NTRK1: variants seen among roughly 807,000 people sequenced by gnomAD.
NTRK1 encodes the protein neurotrophic receptor tyrosine kinase 1, also known as high affinity nerve growth factor receptor.
A neutral mutation model predicts 86.8 loss-of-function variants in NTRK1; 62 were observed. The observed-to-expected ratio is 0.71, with a 90% CI of 0.58 to 0.88. The LOEUF (loss-of-function observed/expected upper bound fraction) is 0.88, where lower values mean the gene tolerates loss of function less well. NTRK1 is among the 40% of genes least tolerant of loss of function. The probability of loss-of-function intolerance (pLI) is 0.00; values close to 1 mark genes in which losing one functional copy is unlikely to be tolerated. For synonymous variants in NTRK1, 469 were observed against 456.6 expected, an observed-to-expected ratio of 1.03 and a Z score of -0.35; for missense variants, 967 against 1,078.4, an observed-to-expected ratio of 0.90 and a Z score of 1.45.
intron 1 of NTRK1, chr1:156,841,883 C>T (rs991319744): frequency 1.2e-6 from 2 of 1,605,906 alleles, no homozygotes; most frequent in African/African-American, 2.7e-5. Context: ...CCAATCTTCT[C>T]ATCCTCCAGA....
chr1:156,849,533 T>C (rs754205431), intron 2 of NTRK1: 22 of 1,133,064 alleles, frequency 1.9e-5, no homozygotes, highest in Non-Finnish European at 2.7e-5. Context: ...GGCTTATGGG[T>C]TCCTCCTGGA....
intron 1 of NTRK1, chr1:156,840,879 C>T (rs773635143): frequency 1.2e-5 from 20 of 1,611,978 alleles, no homozygotes; most frequent in Non-Finnish European, 1.5e-5. Context: ...CCCCTCAGTG[C>T]CCTGGACCCC....
intron 2 of NTRK1, chr1:156,842,880 G>A: frequency 1.3e-6 from 1 of 758,940 alleles, no homozygotes; most frequent in Non-Finnish European, 2.2e-6. Context: ...CCCCAATTAG[G>A]ATCCTAACCA....
intron 1 of NTRK1, among the ~76,000 whole-genome samples, chr1:156,824,725 C>T (rs927375213): frequency 1.3e-5 from 2 of 152,284 alleles, no homozygotes; most frequent in South Asian, 2.1e-4. Context: ...GATGACATGG[C>T]AGGGTTGTTC....
At chr1:156,842,723 A>C (rs761116794) in intron 2 of NTRK1, among the ~76,000 whole-genome samples, 1 of 152,160 alleles carries the variant, frequency 6.6e-6, no homozygotes, top group Non-Finnish European at 1.5e-5. Context: ...ACTTGGTCCA[A>C]CTTTGGCCTT....
rs569601281 is a variant in NTRK1, at chr1:156,868,696, G to C, written c.717+49G>C. 7.1e-6 allele frequency: 11 copies of C among 1,546,404 alleles called. No homozygotes were observed. In the South Asian group the frequency reaches 1.3e-4, roughly 18 times the overall value. On this transcript the variant is annotated intron_variant, in intron 6 of 16. Coordinates refer to ENST00000524377, the MANE Select transcript of NTRK1 (RefSeq NM_002529.4). ...CCCCAAGAGGTCCAGGCAGAGCACA[G>C]GGGACAAAGATGGGGAAAGAGAGAC...
intron 1 of NTRK1, chr1:156,840,453 A>C: frequency 8.0e-6 from 1 of 125,674 alleles, no homozygotes; most frequent in Non-Finnish European, 1.6e-5. Context: ...CCATACATGC[A>C]TGGAGAGCGC....
At chr1:156,876,027 A>G in intron 12 of NTRK1, 53 bp from the exon 13 acceptor site, 1 of 1,613,286 alleles carries the variant, frequency 6.2e-7, no homozygotes, top group Non-Finnish European at 8.5e-7. Flanking sequence ...CCCCGCTACA[A>G]CCCCAGCCCT....
chr1:156,838,375 C>T (rs2777930), intron 1 of NTRK1, among the ~76,000 whole-genome samples: 146,043 of 149,758 alleles, frequency 0.98, 71,241 homozygotes, highest in Non-Finnish European at 1. Context: ...CAGCTACAGG[C>T]TTTTTTTTTT....
At chr1:156,850,167 G>T (rs953334970) in intron 2 of NTRK1, among the ~76,000 whole-genome samples, 4 of 152,052 alleles carry the variant, frequency 2.6e-5, no homozygotes, top group African/African-American at 9.7e-5. Flanking sequence ...TTGCCAAAGT[G>T]CTAGGATTAC....
At chr1:156,872,756 A>G (rs929573921) in intron 7 of NTRK1, among the ~76,000 whole-genome samples, 5 of 150,608 alleles carry the variant, frequency 3.3e-5, no homozygotes, top group African/African-American at 1.2e-4. Flanking sequence ...GCTCACTTCA[A>G]GCTCCGCCTC....
chr1:156,864,586 T>A, intron 2 of NTRK1, 142 bp from the exon 3 acceptor site: 1 of 1,126,804 alleles, frequency 8.9e-7, no homozygotes, highest in Non-Finnish European at 1.3e-6. Flanking sequence ...TTGAGGGGTC[T>A]AGAGTAGTTG....
At chr1:156,847,404 AG>A (rs1317038835) in intron 2 of NTRK1, among the ~76,000 whole-genome samples, 1 of 152,176 alleles carries the variant, frequency 6.6e-6, no homozygotes, top group Non-Finnish European at 1.5e-5. Flanking sequence ...CACTGGCTTT[AG>A]GGGTAGAAGA....
intron 4 of NTRK1, among the ~76,000 whole-genome samples, chr1:156,867,831 G>A (rs1274055543): frequency 2.0e-5 from 3 of 151,638 alleles, no homozygotes; most frequent in Non-Finnish European, 1.5e-5. Context: ...CCGCCACCAT[G>A]CCTGGCTAAG....
At chr1:156,871,456 G>A (rs1571693231) in intron 6 of NTRK1, among the ~76,000 whole-genome samples, 167 bp from the exon 7 acceptor site, 1 of 152,252 alleles carries the variant, frequency 6.6e-6, no homozygotes, top group African/African-American at 2.4e-5. Context: ...ACCTAAAGGA[G>A]GAAGGCCATT....
intron 1 of NTRK1, among the ~76,000 whole-genome samples, chr1:156,835,537 A>T (rs574801629): frequency 6.6e-6 from 1 of 152,356 alleles, no homozygotes; most frequent in Non-Finnish European, 1.5e-5. Flanking sequence ...GATATAAATC[A>T]TCCACAACTC....
rs985452599 is a variant in NTRK1 at position 156,876,507 on chromosome 1, C to T, written c.1740C>T (p.Thr580=). ...QHIVRFFGVC[T]EGRPLLMVFE... is the part of the protein sequence containing the mutation. ...TCGTGCGCTTCTTCGGCGTCTGCACCGAGGGCCGCCCCCTGCTCATGGTCT... is the reference window on the plus strand; with the variant it reads ...TCGTGCGCTTCTTCGGCGTCTGCACTGAGGGCCGCCCCCTGCTCATGGTCT... The change falls in exon 14 of 17, where the codon ACC becomes ACT. Residue 580 remains threonine (T), a synonymous_variant. Coordinates refer to ENST00000524377, the MANE Select transcript of NTRK1 (RefSeq NM_002529.4). The T allele has an allele frequency of 9.3e-6, 15 of 1,613,708 alleles. No homozygotes were observed. In the East Asian group the frequency reaches 1.8e-4, roughly 19 times the overall value.
intron 1 of NTRK1, among the ~76,000 whole-genome samples, chr1:156,864,087 G>A (rs1285149355): frequency 6.6e-6 from 1 of 152,150 alleles, no homozygotes; most frequent in East Asian, 1.9e-4. Context: ...ATGTGAGAAT[G>A]TGCATATGTG....
At chr1:156,842,259 G>T (rs749935027) in intron 2 of NTRK1, 4 of 1,613,968 alleles carry the variant, frequency 2.5e-6, no homozygotes, top group Non-Finnish European at 2.5e-6. Context: ...GGCTGTGGGA[G>T]CCCAGGGTTG....
Sources: allele counts gnomAD v4.1 joint callset (sites outside exome capture counted in the v4.1 genomes callset), GRCh38; gene constraint gnomAD v4.1.1; transcripts MANE v1.5; gene names NCBI Gene and HGNC (gene_info 2026-07-23, HGNC 2026-07-21).